RIN2: variants seen among roughly 807,000 people sequenced by gnomAD.
RIN2 encodes the protein RAB5 interacting protein 2.
Under a neutral mutation model 78.0 loss-of-function variants are expected in RIN2, and 36 were observed. That is an observed-to-expected ratio of 0.46 (90% CI 0.35 to 0.61). RIN2 has a LOEUF of 0.61. Ranked by LOEUF, RIN2 falls within the 20% of genes least tolerant of loss-of-function variation. The probability of loss-of-function intolerance (pLI) is 0.00; values close to 1 mark genes in which losing one functional copy is unlikely to be tolerated. For missense variants in RIN2, 1,087 were observed against 1,159.7 expected (o/e 0.94, Z 0.91); for synonymous variants, 466 against 466.8 (o/e 1.00, Z 0.02).
At chr20:19,847,196 T>G (rs2036813691) in intron 2 of RIN2, among the ~76,000 whole-genome samples, 1 of 152,216 alleles carries the variant, frequency 6.6e-6, no homozygotes, top group African/African-American at 2.4e-5. Flanking sequence ...CTTTTTTGCT[T>G]TTTATCCTTC....
Position 19,975,522 on chromosome 20 carries a change from G to A in RIN2, c.1497G>A (p.Lys499=). 1 of 1,614,068 alleles carries A rather than the reference G, an allele frequency of 6.2e-7. No individual in the cohort carries two copies. Among genetic ancestry groups the A allele is most frequent in the Non-Finnish European group, 8.5e-7 (1 of 1,179,904 alleles). ...LPKLVKSQLQ[K]VSGVFSSFMT... is the part of the protein sequence containing the mutation. ...AGCTCGTCAAGTCCCAGCTGCAGAAGGTGAGCGGGGTGTTCAGCTCCTTCA... is the reference window on the plus strand; with the variant it reads ...AGCTCGTCAAGTCCCAGCTGCAGAAAGTGAGCGGGGTGTTCAGCTCCTTCA... The change falls in exon 9 of 13, where the codon AAG becomes AAA. Residue 499 remains lysine (K), a synonymous_variant. Transcript: ENST00000255006. This position sits in a 1 kb window ranked among gnomAD's most constrained non-coding sequence, Gnocchi z 4.9.
intron 12 of RIN2, among the ~76,000 whole-genome samples, chr20:19,997,428 GT>G (rs1475785744): frequency 6.6e-6 from 1 of 152,164 alleles, no homozygotes; most frequent in Non-Finnish European, 1.5e-5. Context: ...CAGTGAGCTT[GT>G]TTCTTAGAAT....
intron 1 of RIN2, among the ~76,000 whole-genome samples, chr20:19,784,401 G>T (rs1469251927): frequency 1.2e-4 from 18 of 152,060 alleles, no homozygotes; most frequent in African/African-American, 3.9e-4. Context: ...ATATACTGTT[G>T]CACTAAGAAA....
chr20:19,887,335 C>T (rs927257625), intron 2 of RIN2, among the ~76,000 whole-genome samples: 1 of 152,054 alleles, frequency 6.6e-6, no homozygotes, highest in African/African-American at 2.4e-5. Context: ...TTTTTCTGGC[C>T]AAGGACTTTA....
chr20:19,839,367 G>A (rs10211713), intron 2 of RIN2, among the ~76,000 whole-genome samples: 8,988 of 152,256 alleles, frequency 0.059, 497 homozygotes, highest in African/African-American at 0.14. Context: ...GGCTAGATCC[G>A]CCGTATCATA....
chr20:19,900,219 C>T (rs898407181), intron 3 of RIN2, among the ~76,000 whole-genome samples: 3 of 152,200 alleles, frequency 2.0e-5, no homozygotes, highest in African/African-American at 7.2e-5. Flanking sequence ...CATCATGGCT[C>T]ATGCCTGTAA....
chr20:19,949,989 T>C (rs2041249309), intron 4 of RIN2, among the ~76,000 whole-genome samples: 1 of 152,156 alleles, frequency 6.6e-6, no homozygotes, highest in Admixed American at 6.6e-5. Flanking sequence ...AGGCGACTAA[T>C]GTTGGGCCAT....
intron 2 of RIN2, among the ~76,000 whole-genome samples, chr20:19,812,675 A>AC (rs567135766): frequency 3.4e-4 from 52 of 151,824 alleles, no homozygotes; most frequent in African/African-American, 9.4e-4. Flanking sequence ...ACACTGCAGC[A>AC]CCCCCCCATT....
rs144255818 is a variant in RIN2, at chr20:19,964,495, G to C, written c.464-457G>C. Among the ~76,000 whole-genome samples the C allele has an allele frequency of 4.3e-4, 66 of 152,174 alleles. 1 individual carries two copies. The Middle Eastern group carries it at 0.014, about 31-fold the overall frequency. On this transcript the variant is annotated intron_variant, in intron 6 of 12. Transcript: ENST00000255006. ...CTCCCAGCTCTACATTCCTTCTCCC[G>C]TGTGCTTTTATCACAGGTGCTCTGT...
intron 2 of RIN2, among the ~76,000 whole-genome samples, chr20:19,873,211 A>G (rs2037745534): frequency 6.6e-6 from 1 of 151,756 alleles, no homozygotes; most frequent in Non-Finnish European, 1.5e-5. Flanking sequence ...TGCAGCCTTG[A>G]TCTCCTGGGC....
intron 2 of RIN2, among the ~76,000 whole-genome samples, chr20:19,826,884 A>G (rs2036104244): frequency 6.6e-6 from 1 of 151,952 alleles, no homozygotes; most frequent in Non-Finnish European, 1.5e-5. Flanking sequence ...TCCCTATTTG[A>G]AATTCAGATC....
In RIN2 at chr20:19,963,610, CAA is replaced by C. The variant is rs11358752; in HGVS notation, c.464-1328_464-1327del. On this transcript the variant is annotated intron_variant, in intron 6 of 12. Transcript: ENST00000255006. ...GGCAACAACAGCGAAACTCTGTCTC[CAA>C]AAAAAAAAAAAAAGGCAAATAAGCA... Among the ~76,000 whole-genome samples the C allele has an allele frequency of 3.8e-3, 446 of 116,812 alleles. 1 individual carries two copies. The highest frequency in any genetic ancestry group is 9.1e-3 in the African/African-American group (301 of 32,900). 76.6% of individuals were successfully genotyped at this position (116,812 alleles called of 152,430 possible). A position where few individuals can be genotyped will look rare whatever the true frequency, so the allele number is the denominator to read the frequency against.
At chr20:19,872,121 T>A (rs1198295673) in intron 2 of RIN2, 4 of 152,116 alleles carry the variant, frequency 2.6e-5, no homozygotes, top group African/African-American at 9.7e-5. Context: ...CGAGATCTGA[T>A]GGTTTTATAA....
chr20:19,935,725 T>C, intron 4 of RIN2: 1 of 548,760 alleles, frequency 1.8e-6, no homozygotes, highest in Non-Finnish European at 2.3e-6. Flanking sequence ...GCTGTGCTGT[T>C]GAAGGCGATA....
intron 2 of RIN2, among the ~76,000 whole-genome samples, chr20:19,820,483 G>T (rs935975950): frequency 6.6e-6 from 1 of 152,220 alleles, no homozygotes; most frequent in African/African-American, 2.4e-5. Flanking sequence ...TACGAGAAGT[G>T]TGGGCGAGGG....
Position 19,964,990 on chromosome 20 carries a change from T to G in RIN2, c.502T>G (p.Leu168Val). 6.2e-7 allele frequency: 1 copy of G among 1,613,668 alleles called. No individual in the cohort carries two copies. The highest frequency in any genetic ancestry group is 8.5e-7 in the Non-Finnish European group (1 of 1,179,846). The change falls in exon 7 of 13, where the codon TTA becomes GTA. Residue 168 changes from leucine (L) to valine (V), a missense_variant. This residue lies in a region of RIN2 where 706 missense variants were observed against 667.5 expected (regional missense o/e 1.06). Transcript: ENST00000255006. ...LEGSGISFAD[L>V]FRLIAFYCIS... Reference sequence around the variant, plus strand: ...AGGCTCAGGAATCAGTTTCGCAGATTTATTCCGGCTCATTGCTTTCTACTG... The same window carrying G: ...AGGCTCAGGAATCAGTTTCGCAGATGTATTCCGGCTCATTGCTTTCTACTG...
intron 1 of RIN2, among the ~76,000 whole-genome samples, chr20:19,762,439 G>C (rs773922983): frequency 2.0e-5 from 3 of 152,156 alleles, no homozygotes; most frequent in Non-Finnish European, 4.4e-5. Context: ...GACATTTCTA[G>C]GTCTCCAATG....
intron 5 of RIN2, among the ~76,000 whole-genome samples, chr20:19,957,564 C>T (rs1301965022): frequency 6.6e-6 from 1 of 152,172 alleles, no homozygotes; most frequent in Non-Finnish European, 1.5e-5. Flanking sequence ...GTAATCCCAG[C>T]TACTCAGGAG....
chr20:19,890,002 C>T (rs1249355017), intron 3 of RIN2, among the ~76,000 whole-genome samples: 1 of 152,094 alleles, frequency 6.6e-6, no homozygotes, highest in Non-Finnish European at 1.5e-5. Context: ...TCAATGCTGT[C>T]GTCCATGTGT....
Sources: allele counts gnomAD v4.1 joint callset (sites outside exome capture counted in the v4.1 genomes callset), GRCh38; gene constraint gnomAD v4.1.1; regional missense constraint gnomAD v4.1.1; non-coding constraint Gnocchi (gnomAD v3.1); transcripts MANE v1.5; gene names NCBI Gene and HGNC (gene_info 2026-07-23, HGNC 2026-07-21).